SELENON: variants seen among roughly 807,000 people sequenced by gnomAD.
SELENON encodes the protein selenoprotein N.
A neutral mutation model predicts 59.5 loss-of-function variants in SELENON; 44 were observed. The observed-to-expected ratio is 0.74, with a 90% CI of 0.58 to 0.95. The LOEUF (loss-of-function observed/expected upper bound fraction) is 0.95, where lower values mean the gene tolerates loss of function less well. SELENON is among the 40% of genes least tolerant of loss of function. SELENON has a pLI of 0.00. For synonymous variants in SELENON, 320 were observed against 305.6 expected (o/e 1.05, Z -0.49); for missense variants, 674 against 721.4 (o/e 0.93, Z 0.75).
At chr1:25,809,638 G>A in intron 6 of SELENON, 45 bp from the exon 6 acceptor site, 8 of 1,610,630 alleles carry the variant, frequency 5.0e-6, no homozygotes, top group Non-Finnish European at 6.8e-6. Flanking sequence ...GGGCTCCTGG[G>A]GAGAAGGTGG....
chr1:25,802,868 A>T (rs1227590260), intron 3 of SELENON, among the ~76,000 whole-genome samples: 1 of 152,126 alleles, frequency 6.6e-6, no homozygotes, highest in Non-Finnish European at 1.5e-5. Flanking sequence ...TATTACCCAG[A>T]TTGCCTGGTG....
At position 25,811,732 on chromosome 1, in the gene SELENON, C is replaced by A; in HGVS notation, c.1134C>A (p.Ile378=). 6.2e-7 allele frequency: 1 copy of A among 1,605,162 alleles called. No homozygotes were observed. The highest frequency in any genetic ancestry group is 1.1e-5 in the South Asian group (1 of 89,944). Residue 378 remains isoleucine, a synonymous_variant, in exon 9 of 13, where the codon ATC becomes ATA. Transcript: ENST00000361547. ...CGGGCCCCTCTGTGCCCTCCGTGAT[C>A]CTGGATGAGGATGGCAGCATGATCG...
chr1:25,812,528 CACAG>C (rs57623923), intron 9 of SELENON, among the ~76,000 whole-genome samples, 155 bp from the exon 9 acceptor site: 2,552 of 150,548 alleles, frequency 0.017, 83 homozygotes, highest in African/African-American at 0.06. Context: ...TGTACATATA[CACAG>C]ACATACACAC....
At position 25,817,066 on chromosome 1, in the gene SELENON, C is replaced by G; in HGVS notation, c.*1348C>G. On this transcript the variant is annotated 3_prime_UTR_variant, in exon 13 of 13. Coordinates refer to ENST00000361547, the MANE Select transcript of SELENON (RefSeq NM_020451.3). ...CCAGCCCCCAGTTCTCTCCCCACCCCCTCACCCCACCCGGGGCTCACTCAG... is the reference window on the plus strand; with the variant it reads ...CCAGCCCCCAGTTCTCTCCCCACCCGCTCACCCCACCCGGGGCTCACTCAG... The G allele has an allele frequency of 6.6e-6, 1 of 152,184 alleles. No individual in the cohort carries two copies. Among genetic ancestry groups the G allele is most frequent in the Admixed American group, 6.5e-5 (1 of 15,270 alleles). The allele number at this position is 152,184 out of a possible 1,614,324, so 9.4% of individuals were successfully genotyped here. A position where few individuals can be genotyped will look rare whatever the true frequency, so the allele number is the denominator to read the frequency against.
In SELENON at chr1:25,809,834, C is replaced by G. The variant is rs2047943681; in HGVS notation, c.1010+14C>G. On this transcript the variant is annotated intron_variant, in intron 7 of 12. Coordinates refer to ENST00000361547, the MANE Select transcript of SELENON (RefSeq NM_020451.3). The stretch of plus-strand genomic sequence containing the variant: ...GCCCAACCACAGGTGGGAGCTTGAC[C>G]CTGGCCCAGCCTTGGCTCCCTCCTA... 6.2e-7 allele frequency: 1 copy of G among 1,612,218 alleles called. No individual in the cohort carries two copies. The highest frequency in any genetic ancestry group is 8.5e-7 in the Non-Finnish European group (1 of 1,180,006).
Position 25,815,801 on chromosome 1 carries a change from G to A in SELENON, c.*83G>A, listed in dbSNP as rs1057515542. ...CAGCCCATTTCAGACTGCAGATGCC[G>A]CCCACTCCCACCCCACTCCTAGGCT... On this transcript the variant is annotated 3_prime_UTR_variant, in exon 13 of 13. Coordinates refer to ENST00000361547, the MANE Select transcript of SELENON (RefSeq NM_020451.3). 1.1e-5 allele frequency: 16 copies of A among 1,439,418 alleles called. No homozygotes were observed. Among genetic ancestry groups the A allele is most frequent in the Admixed American group, 1.0e-4 (6 of 58,844 alleles). 89.2% of individuals were successfully genotyped at this position (1,439,418 alleles called of 1,614,324 possible).
Position 25,801,186 on chromosome 1 carries a change from G to A in SELENON, c.301+26G>A, listed in dbSNP as rs202125670. 227 of 1,585,896 alleles carry A rather than the reference G, an allele frequency of 1.4e-4. No individual in the cohort carries two copies. In the African/African-American group the frequency reaches 2.7e-3, roughly 19 times the overall value. On this transcript the variant is annotated intron_variant, in intron 2 of 12. Transcript: ENST00000361547. ...GTACCAGGAGAGACTGGCGGCTGGG[G>A]AGGAGGGCGCCTTGGCCAACGGTGT... is the stretch of plus-strand genomic sequence containing the variant.
At position 25,805,259 on chromosome 1, in the gene SELENON, A is replaced by C. The variant is rs770305372; in HGVS notation, c.521A>C (p.Lys174Thr). 3.1e-6 allele frequency: 5 copies of C among 1,614,086 alleles called. No individual in the cohort carries two copies. Among genetic ancestry groups the C allele is most frequent in the Non-Finnish European group, 4.2e-6 (5 of 1,180,042 alleles). ...CTCCCGGAGACCATGACCAAGAGCA[A>C]AGATGGCTTCCTAGGGGTGAGTTGG... is the stretch of plus-strand genomic sequence containing the variant. The change falls in exon 4 of 13, where the codon AAA (lysine) becomes ACA (threonine). Residue 174 changes from lysine to threonine, a missense_variant. By Grantham distance (78) the Lys-to-Thr change is moderately conservative. Transcript: ENST00000361547.
chr1:25,804,555 C>T (rs971288104), intron 3 of SELENON, among the ~76,000 whole-genome samples: 2 of 150,900 alleles, frequency 1.3e-5, no homozygotes, highest in Non-Finnish European at 2.9e-5. Context: ...ATAGACTTGC[C>T]AGATCTCTGA....
At chr1:25,813,134 C>T (rs2047981172) in intron 10 of SELENON, among the ~76,000 whole-genome samples, 1 of 152,150 alleles carries the variant, frequency 6.6e-6, no homozygotes, top group African/African-American at 2.4e-5. Flanking sequence ...GGTGAAAGTG[C>T]CGCATACACT....
intron 12 of SELENON, 22 bp from the exon 12 acceptor site, chr1:25,815,526 C>A (rs2048003223): frequency 6.2e-7 from 1 of 1,613,396 alleles, no homozygotes; most frequent in African/African-American, 1.3e-5. Flanking sequence ...GCCCCACTTG[C>A]CTCACCCGGC....
Position 25,808,793 on chromosome 1 carries a change from A to G in SELENON, c.747+4A>G. The G allele has an allele frequency of 6.2e-7, 1 of 1,613,594 alleles. No homozygotes were observed. The highest frequency in any genetic ancestry group is 8.5e-7 in the Non-Finnish European group (1 of 1,179,886). The stretch of plus-strand genomic sequence containing the variant: ...ACCGCCGCCCAAGGGCAAGGAGGTG[A>G]GGACAGCTGGGGTGCGACGTGGGGC... On this transcript the variant is annotated splice_donor_region_variant and intron_variant, in intron 5 of 12. Coordinates refer to ENST00000361547, the MANE Select transcript of SELENON (RefSeq NM_020451.3).
chr1:25,801,297 T>G, intron 2 of SELENON, 137 bp downstream of exon 2: 1 of 731,388 alleles, frequency 1.4e-6, no homozygotes, highest in Non-Finnish European at 2.5e-6. Context: ...TCTGACACTT[T>G]GTAGCTGGTG....
Position 25,811,729 on chromosome 1 carries a change from G to A in SELENON, c.1131G>A (p.Val377=), listed in dbSNP as rs2047961887. 2 of 1,605,066 alleles carry A rather than the reference G, an allele frequency of 1.2e-6. No individual in the cohort carries two copies. Among genetic ancestry groups the A allele is most frequent in the South Asian group, 1.1e-5 (1 of 89,940 alleles). ...CCACGGGCCCCTCTGTGCCCTCCGT[G>A]ATCCTGGATGAGGATGGCAGCATGA... The change falls in exon 9 of 13, where the codon GTG becomes GTA. Residue 377 remains valine, a synonymous_variant. Coordinates refer to ENST00000361547, the MANE Select transcript of SELENON (RefSeq NM_020451.3).
intron 12 of SELENON, among the ~76,000 whole-genome samples, chr1:25,814,500 G>A (rs2047994588): frequency 6.6e-6 from 1 of 152,238 alleles, no homozygotes; most frequent in South Asian, 2.1e-4. Context: ...TGGGATGGAA[G>A]GGGAGGGAGG....
rs758031663 is a variant in SELENON, at chr1:25,813,942, C to T, written c.1449C>T (p.Asn483=). ...GTTCGCCCATCCTCACCCTGCTCAA[C>T]GAGAGCTTCATCAGCACCTGGTCCC... The change falls in exon 11 of 13, where the codon AAC becomes AAT. Residue 483 remains asparagine, a synonymous_variant. Transcript: ENST00000361547. 24 of 1,614,194 alleles carry T rather than the reference C, an allele frequency of 1.5e-5. No individual in the cohort carries two copies. The highest frequency in any genetic ancestry group is 6.6e-5 in the South Asian group (6 of 91,084).
intron 3 of SELENON, among the ~76,000 whole-genome samples, chr1:25,802,359 T>C (rs375649661): frequency 8.6e-4 from 131 of 151,942 alleles, no homozygotes; most frequent in African/African-American, 3.0e-3. Context: ...TTCCATTCTT[T>C]GTTGTTGTTG....
rs748927814 is a variant in SELENON, at chr1:25,811,669, CT to C, written c.1093-21del. ...TCTTGCCCATCTCTGAGCCTTCCCC[CT>C]ACCACTGACCTCTGGCCCAGATGGA... On this transcript the variant is annotated intron_variant, in intron 8 of 12. Coordinates refer to ENST00000361547, the MANE Select transcript of SELENON (RefSeq NM_020451.3). The C allele has an allele frequency of 3.1e-6, 5 of 1,611,920 alleles. No homozygotes were observed. In the South Asian group the frequency reaches 4.4e-5, roughly 14 times the overall value.
intron 4 of SELENON, among the ~76,000 whole-genome samples, chr1:25,806,636 T>C (rs1442543253): frequency 6.6e-6 from 1 of 152,034 alleles, no homozygotes; most frequent in Non-Finnish European, 1.5e-5. Flanking sequence ...CTGCACATGT[T>C]GAAGTTGAGG....
Sources: allele counts gnomAD v4.1 joint callset (sites outside exome capture counted in the v4.1 genomes callset), GRCh38; gene constraint gnomAD v4.1.1; transcripts MANE v1.5; gene names NCBI Gene and HGNC (gene_info 2026-07-23, HGNC 2026-07-21).